The following FUT8 variants were observed in gnomAD, a reference collection of about 807,000 sequenced individuals.
The protein encoded by FUT8 is fucosyltransferase 8.
In FUT8, 29 loss-of-function variants were observed where a neutral mutation model predicts 71.3. The observed-to-expected ratio is 0.41, with a 90% CI of 0.30 to 0.55. The LOEUF is 0.55. Among genes scored for constraint, FUT8 ranks in the 20% least tolerant of loss-of-function variants. The pLI, the probability that FUT8 is intolerant of heterozygous loss-of-function variation, is 0.34. For missense variants in FUT8, 544 were observed against 702.1 expected, an observed-to-expected ratio of 0.77 and a Z score of 2.55; for synonymous variants, 254 against 239.3, an observed-to-expected ratio of 1.06 and a Z score of -0.57.
chr14:65,570,734 A>C (rs191401926), intron 3 of FUT8, among the ~76,000 whole-genome samples: 1 of 152,180 alleles, frequency 6.6e-6, no homozygotes, highest in East Asian at 1.9e-4. Context: ...GTGGATTCAA[A>C]GTTTGTCGTG....
intron 9 of FUT8, among the ~76,000 whole-genome samples, chr14:65,732,101 T>G (rs549057778): frequency 5.3e-5 from 8 of 152,228 alleles, no homozygotes; most frequent in Non-Finnish European, 1.0e-4. Context: ...ATGTGACATT[T>G]TCTTCATCTC....
At position 65,743,295 on chromosome 14, in the gene FUT8, A is replaced by G. The variant is rs1896593709; in HGVS notation, c.*885A>G. 1 of 151,882 alleles carries G rather than the reference A, an allele frequency of 6.6e-6. No individual in the cohort carries two copies. Among genetic ancestry groups the G allele is most frequent in the Non-Finnish European group, 1.5e-5 (1 of 67,904 alleles). The allele number at this position is 151,882 out of a possible 1,614,324, so 9.4% of individuals were successfully genotyped here. ...TGATATAGTAACTAATTCTTAACTC[A>G]GAGACATTGGTCCATTTTAATACTG... On this transcript the variant is annotated 3_prime_UTR_variant, in exon 11 of 11. Coordinates refer to ENST00000673929, the MANE Select transcript of FUT8 (RefSeq NM_001371533.1).
chr14:65,493,232 T>TA (rs1456559536), intron 2 of FUT8, among the ~76,000 whole-genome samples: 2 of 152,158 alleles, frequency 1.3e-5, no homozygotes, highest in African/African-American at 4.8e-5. Context: ...TCTGTGAAGA[T>TA]ACTTTTTACA....
intron 1 of FUT8, among the ~76,000 whole-genome samples, chr14:65,447,958 A>G (rs1463824329): frequency 6.6e-6 from 1 of 152,182 alleles, no homozygotes; most frequent in Non-Finnish European, 1.5e-5. Flanking sequence ...GGCTCCTCAT[A>G]TCCTACCTAA....
Position 65,692,580 on chromosome 14 carries a change from G to A in FUT8, c.835+23100G>A, listed in dbSNP as rs1330873722. Among the ~76,000 whole-genome samples, 5 of 145,596 alleles carry A rather than the reference G, an allele frequency of 3.4e-5. No individual in the cohort carries two copies. In the South Asian group the frequency reaches 6.7e-4, roughly 20 times the overall value. ...GGCTGACCCCCCGCACCTCCCTCCC[G>A]GACGGGGCGGCTGGCTGGGCGGGGG... On this transcript the variant is annotated intron_variant, in intron 7 of 10. Transcript: ENST00000673929.
At chr14:65,736,033 G>C (rs1488909894) in intron 10 of FUT8, among the ~76,000 whole-genome samples, 2 of 152,092 alleles carry the variant, frequency 1.3e-5, no homozygotes, top group Non-Finnish European at 2.9e-5. Context: ...ACAAGAAAGA[G>C]GCAACCTGTG....
At chr14:65,656,270 A>C (rs960689172) in intron 6 of FUT8, among the ~76,000 whole-genome samples, 5 of 151,036 alleles carry the variant, frequency 3.3e-5, no homozygotes, top group African/African-American at 1.2e-4. Flanking sequence ...TGCAGGTACA[A>C]AGTCAACACA....
chr14:65,492,756 A>G (rs1197875792), intron 2 of FUT8, among the ~76,000 whole-genome samples: 1 of 152,160 alleles, frequency 6.6e-6, no homozygotes. Context: ...TGTCTATAAT[A>G]TATGACAGAA....
chr14:65,679,423 G>T (rs1892929083), intron 7 of FUT8, among the ~76,000 whole-genome samples: 1 of 152,136 alleles, frequency 6.6e-6, no homozygotes, highest in African/African-American at 2.4e-5. Flanking sequence ...CATTTTAAAA[G>T]TTATATGGTG....
At chr14:65,416,299 A>G (rs572998661) in intron 1 of FUT8, among the ~76,000 whole-genome samples, 2 of 151,668 alleles carry the variant, frequency 1.3e-5, no homozygotes, top group South Asian at 2.1e-4. Flanking sequence ...AACTAAAAGT[A>G]TTACTATTAT....
At chr14:65,442,337 A>G (rs1254884937) in intron 1 of FUT8, among the ~76,000 whole-genome samples, 1 of 151,736 alleles carries the variant, frequency 6.6e-6, no homozygotes, top group Non-Finnish European at 1.5e-5. Context: ...CACCACACCC[A>G]GCCAATTTTT....
intron 2 of FUT8, among the ~76,000 whole-genome samples, chr14:65,508,593 C>T (rs111338996): frequency 4.3e-4 from 64 of 149,162 alleles, no homozygotes; most frequent in Non-Finnish European, 7.1e-4. Flanking sequence ...CTCCACCTCC[C>T]GGGTTCAAGC....
At chr14:65,697,602 T>C (rs540950231) in intron 7 of FUT8, among the ~76,000 whole-genome samples, 8 of 152,228 alleles carry the variant, frequency 5.3e-5, no homozygotes, top group Non-Finnish European at 1.0e-4. Flanking sequence ...AGTACAATTA[T>C]GTTTTATTAT....
At chr14:65,572,587 G>A (rs906187683) in intron 3 of FUT8, among the ~76,000 whole-genome samples, 8 of 151,810 alleles carry the variant, frequency 5.3e-5, no homozygotes, top group Non-Finnish European at 1.2e-4. Context: ...CACCCTTTGC[G>A]TGTTTTGTAT....
intron 5 of FUT8, among the ~76,000 whole-genome samples, chr14:65,626,222 TA>T (rs200882855): frequency 0.13 from 18,826 of 146,348 alleles, 1,515 homozygotes; most frequent in East Asian, 0.38. Context: ...CCTCTAGCAT[TA>T]AAAAAAAAAA....
chr14:65,666,724 A>G (rs573662784), intron 6 of FUT8, among the ~76,000 whole-genome samples: 20 of 152,260 alleles, frequency 1.3e-4, no homozygotes, highest in Admixed American at 5.2e-4. Flanking sequence ...CAAGAACAAA[A>G]AGAAAACATC....
chr14:65,399,318 A>T, the FUT8 span, among the ~76,000 whole-genome samples: 26 of 152,344 alleles, frequency 1.7e-4, no homozygotes, highest in African/African-American at 6.3e-4. Context: ...CTCCATCTAA[A>T]AAAAAAAGAT....
chr14:65,474,500 G>C (rs1339547139), intron 2 of FUT8, among the ~76,000 whole-genome samples: 1 of 144,788 alleles, frequency 6.9e-6, no homozygotes, highest in East Asian at 2.1e-4. Context: ...GCTACTCATG[G>C]GGCTGGGCGA....
rs1207219153 is a variant in FUT8 at position 65,616,349 on chromosome 14, T to G, written c.458T>G (p.Leu153Arg). ...NELQRHADEF[L>R]LDLGHHERSI... Reference sequence around the variant, plus strand: ...CTCCAAAGACATGCAGATGAATTTCTTTTGGATTTAGGACATCATGAAAGG... The same window carrying G: ...CTCCAAAGACATGCAGATGAATTTCGTTTGGATTTAGGACATCATGAAAGG... The change falls in exon 5 of 11, where the codon CTT becomes CGT. Residue 153 changes from leucine to arginine, a missense_variant. Coordinates refer to ENST00000673929, the MANE Select transcript of FUT8 (RefSeq NM_001371533.1). 6.2e-7 allele frequency: 1 copy of G among 1,604,934 alleles called. No individual in the cohort carries two copies. Among genetic ancestry groups the G allele is most frequent in the Non-Finnish European group, 8.5e-7 (1 of 1,176,824 alleles).
Sources: gnomAD v4.1 joint callset for allele counts (sites outside exome capture counted in the v4.1 genomes callset) on GRCh38, gnomAD v4.1.1 for gene constraint, MANE v1.5 for transcripts, NCBI Gene and HGNC (gene_info 2026-07-23, HGNC 2026-07-21) for gene names.